The following SUN1 variants were observed in gnomAD, a reference collection of about 807,000 sequenced individuals.
SUN1 encodes the protein SUN domain-containing protein 1.
A neutral mutation model predicts 103.2 loss-of-function variants in SUN1; 61 were observed. The observed-to-expected ratio is 0.59, with a 90% CI of 0.48 to 0.73. SUN1 has a LOEUF of 0.73. Among genes scored for constraint, SUN1 ranks in the 30% least tolerant of loss-of-function variants. The pLI is 0.00. For synonymous variants in SUN1, 490 were observed against 425.7 expected, an observed-to-expected ratio of 1.15 and a Z score of -1.86; for missense variants, 1,052 against 1,034.6, an observed-to-expected ratio of 1.02 and a Z score of -0.23.
intron 1 of SUN1, among the ~76,000 whole-genome samples, chr7:824,556 C>T (rs1237374303): frequency 6.6e-6 from 1 of 152,188 alleles, no homozygotes; most frequent in Non-Finnish European, 1.5e-5. Flanking sequence ...TGGGCTTTTG[C>T]TGAAACACTG....
chr7:852,071 G>T, intron 7 of SUN1, 28 bp downstream of exon 7: 1 of 1,604,068 alleles, frequency 6.2e-7, no homozygotes, highest in Non-Finnish European at 8.5e-7. Flanking sequence ...ATGTCAGCGT[G>T]GTGCTTTAAG....
At chr7:857,474 C>T (rs1235140410) in intron 12 of SUN1, among the ~76,000 whole-genome samples, 1 of 152,184 alleles carries the variant, frequency 6.6e-6, no homozygotes. Flanking sequence ...ACTGGGCTTA[C>T]AAGCATGAGC....
At chr7:832,083 C>T (rs1347812683), upstream of SUN1, 3 of 994,122 alleles carry the variant, frequency 3.0e-6, no homozygotes, top group East Asian at 3.2e-4. Flanking sequence ...TACGCTGCTG[C>T]TTGACCACGC....
At position 872,450 on chromosome 7, in the gene SUN1, G is replaced by A. The variant is rs376180480; in HGVS notation, c.2149-20G>A. On this transcript the variant is annotated intron_variant, in intron 17 of 18. Transcript: ENST00000401592. The stretch of plus-strand genomic sequence containing the variant: ...GTTATTTTTCCATTCGTTCATAATT[G>A]TGTATGGTCTTGTTTTCAGGGATTA... 5.1e-6 allele frequency: 8 copies of A among 1,578,398 alleles called. No individual in the cohort carries two copies. Among genetic ancestry groups the A allele is most frequent in the Non-Finnish European group, 6.0e-6 (7 of 1,159,524 alleles).
At chr7:850,795 G>A (rs1038993969) in intron 5 of SUN1, 1 of 141,660 alleles carries the variant, frequency 7.1e-6, no homozygotes, top group African/African-American at 2.6e-5. Flanking sequence ...AAAAAAAACT[G>A]GAACAAAACA....
chr7:853,016 A>C, intron 9 of SUN1, 64 bp downstream of exon 9: 1 of 1,543,572 alleles, frequency 6.5e-7, no homozygotes, highest in Non-Finnish European at 8.7e-7. Flanking sequence ...GACGTTCCAC[A>C]CTGCTGTGAG....
Position 871,844 on chromosome 7 carries a change from C to T in SUN1, c.2149-626C>T, listed in dbSNP as rs984954542. 1.4e-4 allele frequency among the ~76,000 whole-genome samples: 22 copies of T among 152,314 alleles called. No individual in the cohort carries two copies. In the South Asian group the frequency reaches 2.9e-3, roughly 20 times the overall value. On this transcript the variant is annotated intron_variant, in intron 17 of 18. Coordinates refer to ENST00000401592, the MANE Select transcript of SUN1 (RefSeq NM_001130965.3). ...TGTGTCTTCTGCTAGTTCTCTGACT[C>T]GGATAAAAGATAAGATAGAGCTTAC...
At chr7:853,662 G>A (rs761996655) in intron 10 of SUN1, 44 bp downstream of exon 10, 54 of 1,572,898 alleles carry the variant, frequency 3.4e-5, no homozygotes, top group South Asian at 3.0e-4. Flanking sequence ...ACACCAACGC[G>A]CTTCTGGGTG....
chr7:831,303 G>A (rs930552742), upstream of SUN1, among the ~76,000 whole-genome samples: 2 of 145,006 alleles, frequency 1.4e-5, no homozygotes, highest in Admixed American at 1.4e-4. Flanking sequence ...ATGGAATCTC[G>A]CTCTGTCACC....
chr7:860,922 C>T (rs992506349), intron 14 of SUN1, among the ~76,000 whole-genome samples: 1 of 152,144 alleles, frequency 6.6e-6, no homozygotes, highest in Non-Finnish European at 1.5e-5. Context: ...GGGAGAAACC[C>T]CCACCATGAC....
chr7:849,785 C>A, intron 5 of SUN1: 1 of 1,126,438 alleles, frequency 8.9e-7, no homozygotes, highest in Non-Finnish European at 1.3e-6. Flanking sequence ...CACCAGATCG[C>A]ATTTGCTTTG....
chr7:831,166 G>GT (rs1467228126), upstream of SUN1: 8 of 348,232 alleles, frequency 2.3e-5, no homozygotes, highest in Non-Finnish European at 3.2e-5. Flanking sequence ...CTGTTGAAGC[G>GT]TAAGTTCCTG....
exon 1 of SUN1, chr7:816,637 C>A (rs1456674828): frequency 1.2e-5 from 4 of 337,226 alleles, no homozygotes; most frequent in African/African-American, 2.3e-5. Context: ...CGGGCCTGGG[C>A]GGCGCAGACG....
At chr7:865,480 C>A (rs1241107571) in intron 15 of SUN1, among the ~76,000 whole-genome samples, 1 of 152,212 alleles carries the variant, frequency 6.6e-6, no homozygotes, top group Non-Finnish European at 1.5e-5. Context: ...CTCATGCATT[C>A]ATCTGTTAAT....
upstream of SUN1, chr7:832,002 T>C (rs78260372): frequency 2.1e-3 from 2,029 of 985,912 alleles, 22 homozygotes; most frequent in African/African-American, 0.032. Flanking sequence ...TTAAGCTTTT[T>C]TGTTATTCAC....
chr7:857,214 C>T (rs758981409), intron 12 of SUN1, among the ~76,000 whole-genome samples: 1 of 152,206 alleles, frequency 6.6e-6, no homozygotes, highest in Non-Finnish European at 1.5e-5. Flanking sequence ...CCCGCGTCTG[C>T]ACTCGGGAGG....
In SUN1 at chr7:837,848, A is replaced by G. The variant is rs149535481; in HGVS notation, c.78-950A>G. Among the ~76,000 whole-genome samples, 435 of 152,286 alleles carry G rather than the reference A, an allele frequency of 2.9e-3. 5 individuals are homozygous for G. Among genetic ancestry groups the G allele is most frequent in the African/African-American group, 9.8e-3 (408 of 41,542 alleles). On this transcript the variant is annotated intron_variant, in intron 1 of 18. Transcript: ENST00000401592. The stretch of plus-strand genomic sequence containing the variant: ...TGGCTGGGTTCACAGGTTTTCTTAA[A>G]CTAGAATCACAATTGTGTAAAATAT...
intron 1 of SUN1, among the ~76,000 whole-genome samples, chr7:835,286 C>T (rs1184489971): frequency 1.3e-5 from 2 of 152,244 alleles, no homozygotes; most frequent in Non-Finnish European, 2.9e-5. Context: ...GCCTGGCACT[C>T]TCCTCACTGG....
In SUN1 at chr7:843,518, A is replaced by T. The variant is rs774555940; in HGVS notation, c.656A>T (p.Lys219Ile). ...SRVYSRDRNQ[K>I]CYFLLQILRR... The stretch of plus-strand genomic sequence containing the variant: ...GTTTATTCTAGGGACAGGAATCAAA[A>T]ATGTAAGTCTCAGTCCTTTAAAACT... Residue 219 changes from lysine (K) to isoleucine (I), a missense_variant and splice_region_variant, in exon 5 of 19, where the codon AAA (lysine) becomes ATA (isoleucine). Transcript: ENST00000401592. The T allele has an allele frequency of 6.2e-7, 1 of 1,613,854 alleles. No individual in the cohort carries two copies. The highest frequency in any genetic ancestry group is 8.5e-7 in the Non-Finnish European group (1 of 1,179,920).
Sources: allele counts gnomAD v4.1 joint callset (sites outside exome capture counted in the v4.1 genomes callset), GRCh38; gene constraint gnomAD v4.1.1; transcripts MANE v1.5; gene names NCBI Gene and HGNC (gene_info 2026-07-23, HGNC 2026-07-21).